Variants in TNC observed in about 807,000 individuals in gnomAD.
The protein encoded by TNC is tenascin.
TNC carries 109 observed loss-of-function variants against 202.4 expected under a neutral mutation model. The ratio of observed to expected loss-of-function variants is 0.54; its 90% CI spans 0.46 to 0.63. TNC has a LOEUF of 0.63. Ranked by LOEUF, TNC falls within the 30% of genes least tolerant of loss-of-function variation. The pLI, the probability that TNC is intolerant of heterozygous loss-of-function variation, is 0.00. For synonymous variants in TNC, 1,007 were observed against 1,089.7 expected (o/e 0.92, Z 1.50); for missense variants, 2,756 against 2,833.3 (o/e 0.97, Z 0.62).
Position 115,063,083 on chromosome 9 carries a change from C to A in TNC, c.3867G>T (p.Gln1289His). Residue 1289 changes from glutamine to histidine, a missense_variant, in exon 13 of 28, where the codon CAG becomes CAT. Around this residue, in one of 2 missense-constraint regions of TNC, gnomAD observed 2,559 missense variants for 2,546.0 expected, o/e 1.01. Coordinates refer to ENST00000350763, the MANE Select transcript of TNC (RefSeq NM_002160.4). Reference sequence around the variant, plus strand: ...CTTCCACCTGGTCAGCCTCCTGGACCTGAATAGTAAACTGGTCATAGGTTC... The same window carrying A: ...CTTCCACCTGGTCAGCCTCCTGGACATGAATAGTAAACTGGTCATAGGTTC... ...PDGTYDQFTI[Q>H]VQEADQVEEA... is the part of the protein sequence containing the mutation. 1 of 1,614,136 alleles carries A rather than the reference C, an allele frequency of 6.2e-7. No individual in the cohort carries two copies. The highest frequency in any genetic ancestry group is 8.5e-7 in the Non-Finnish European group (1 of 1,180,018).
At chr9:115,041,313 G>A (rs1216339897) in intron 18 of TNC, among the ~76,000 whole-genome samples, 1 of 134,664 alleles carries the variant, frequency 7.4e-6, no homozygotes, top group Admixed American at 7.1e-5. Context: ...GAGGGGCGGG[G>A]GAAAACATGA....
intron 26 of TNC, among the ~76,000 whole-genome samples, chr9:115,025,843 C>T (rs1035587336): frequency 1.3e-5 from 2 of 152,206 alleles, no homozygotes; most frequent in African/African-American, 4.8e-5. Context: ...CACAAAACCA[C>T]TTCAAGTCCA....
At chr9:115,111,779 G>A (rs991900892) in intron 1 of TNC, among the ~76,000 whole-genome samples, 5 of 152,072 alleles carry the variant, frequency 3.3e-5, no homozygotes, top group African/African-American at 1.2e-4. Context: ...GCAAGGAACT[G>A]AGGGTAGCCT....
At chr9:115,075,010 AT>A (rs925829948) in intron 9 of TNC, among the ~76,000 whole-genome samples, 1 of 152,076 alleles carries the variant, frequency 6.6e-6, no homozygotes, top group African/African-American at 2.4e-5. Flanking sequence ...AAATCAAAAG[AT>A]TAAAAAAAAA....
chr9:115,028,959 A>AG (rs1829730904), intron 25 of TNC, among the ~76,000 whole-genome samples: 1 of 86,530 alleles, frequency 1.2e-5, no homozygotes, highest in East Asian at 2.9e-4. Context: ...AAAAAAAAAA[A>AG]AAAGAAAGTC....
rs773512803 is a variant in TNC, at chr9:115,084,241, T to C, written c.2099A>G (p.Lys700Arg). 6.2e-7 allele frequency: 1 copy of C among 1,614,038 alleles called. No individual in the cohort carries two copies. The highest frequency in any genetic ancestry group is 1.7e-5 in the Admixed American group (1 of 60,012). Residue 700 changes from lysine to arginine, a missense_variant, in exon 4 of 28, where the codon AAG becomes AGG. Physicochemically the swap from Lys to Arg is conservative, Grantham distance 26 (BLOSUM62 2). This residue lies in a region of TNC where 2,559 missense variants were observed against 2,546.0 expected (regional missense o/e 1.01). Coordinates refer to ENST00000350763, the MANE Select transcript of TNC (RefSeq NM_002160.4). ...CACCCTGGCGCTGACAGGAATGCTC[T>C]TCTTGTTCTCCAGGATGGCAAATAC... ...IRVFAILENKKSIPVSARVAT... is the reference protein window; with the variant it reads ...IRVFAILENKRSIPVSARVAT...
chr9:115,040,906 A>AACACAC lies in TNC; in HGVS notation c.5392+29_5392+34dup, dbSNP rs35141770. 2.5e-3 allele frequency: 3,653 copies of AACACAC among 1,476,860 alleles called. 7 individuals are homozygous for AACACAC. Among genetic ancestry groups the AACACAC allele is most frequent in the African/African-American group, 0.016 (1,122 of 70,190 alleles). The allele number at this position is 1,476,860 out of a possible 1,614,324, so 91.5% of individuals were successfully genotyped here. On this transcript the variant is annotated intron_variant, in intron 19 of 27. Transcript: ENST00000350763. ...GCACAAGTGACCTCTGAAAAATAGT[A>AACACAC]ACACACACACACACACACAACCCCA...
chr9:115,035,470 T>G (rs1830255127), intron 21 of TNC, 136 bp from the exon 22 acceptor site: 3 of 888,350 alleles, frequency 3.4e-6, no homozygotes, highest in South Asian at 3.7e-5. Flanking sequence ...GAACTTCCTC[T>G]GTATAAATAA....
At chr9:115,056,602 G>T (rs1386187701) in intron 15 of TNC, among the ~76,000 whole-genome samples, 2 of 152,208 alleles carry the variant, frequency 1.3e-5, no homozygotes, top group Non-Finnish European at 2.9e-5. Context: ...TGGAACTGGG[G>T]TGGTCTGAAT....
intron 4 of TNC, 66 bp downstream of exon 4, chr9:115,084,143 G>C: frequency 6.5e-7 from 1 of 1,543,490 alleles, no homozygotes; most frequent in Non-Finnish European, 8.8e-7. Flanking sequence ...GCCGTGGCGA[G>C]GGAGGGTTAT....
intron 10 of TNC, among the ~76,000 whole-genome samples, chr9:115,069,714 T>TCCCTCCCTTCCTCCCTCCCTCCCTCCCTC (rs1833283684): frequency 7.8e-4 from 1 of 1,286 alleles, no homozygotes; most frequent in African/African-American, 3.1e-3. Flanking sequence ...CTCCCTTCCT[T>TCCCTCCCTTCCTCCCTCCCTCCCTCCCTC]CCTTCCTTCC....
intron 2 of TNC, among the ~76,000 whole-genome samples, chr9:115,089,366 T>A (rs1022989178): frequency 6.6e-6 from 1 of 152,136 alleles, no homozygotes; most frequent in Non-Finnish European, 1.5e-5. Flanking sequence ...TTATTGGAGA[T>A]AAAGACATAA....
intron 10 of TNC, among the ~76,000 whole-genome samples, chr9:115,073,072 G>T (rs1833577935): frequency 6.6e-6 from 1 of 152,106 alleles, no homozygotes; most frequent in Non-Finnish European, 1.5e-5. Flanking sequence ...GAGAAAATGA[G>T]AGGGCACCAT....
At chr9:115,108,581 T>G (rs537226176) in intron 1 of TNC, among the ~76,000 whole-genome samples, 1 of 152,354 alleles carries the variant, frequency 6.6e-6, no homozygotes, top group African/African-American at 2.4e-5. Context: ...TCTTTCTTCT[T>G]AGCAAATATC....
intron 1 of TNC, among the ~76,000 whole-genome samples, chr9:115,105,777 A>C (rs898759645): frequency 4.6e-5 from 7 of 152,208 alleles, no homozygotes; most frequent in African/African-American, 1.4e-4. Context: ...TTTCCTAATT[A>C]AACACGTTTG....
At chr9:115,102,765 G>A (rs1380898959) in intron 1 of TNC, among the ~76,000 whole-genome samples, 1 of 152,214 alleles carries the variant, frequency 6.6e-6, no homozygotes, top group Non-Finnish European at 1.5e-5. Flanking sequence ...TAGACTATAA[G>A]CTCTATGAGG....
At chr9:115,079,074 T>C (rs770646154) in intron 6 of TNC, among the ~76,000 whole-genome samples, 2 of 152,188 alleles carry the variant, frequency 1.3e-5, no homozygotes, top group Non-Finnish European at 2.9e-5. Flanking sequence ...ATCATACGTG[T>C]CTCATTGTTT....
At chr9:115,037,885 A>G (rs1331096529) in intron 20 of TNC, among the ~76,000 whole-genome samples, 1 of 152,158 alleles carries the variant, frequency 6.6e-6, no homozygotes, top group Non-Finnish European at 1.5e-5. Context: ...TGGTCTCTGA[A>G]AAGTTGAGAC....
chr9:115,064,534 T>A, intron 11 of TNC, 113 bp downstream of exon 11: 8 of 1,336,670 alleles, frequency 6.0e-6, no homozygotes, highest in Non-Finnish European at 6.2e-6. Context: ...TTAGACCCCA[T>A]AGACATAAGT....
Sources: allele counts gnomAD v4.1 joint callset (sites outside exome capture counted in the v4.1 genomes callset), GRCh38; gene constraint gnomAD v4.1.1; regional missense constraint gnomAD v4.1.1; transcripts MANE v1.5; gene names NCBI Gene and HGNC (gene_info 2026-07-23, HGNC 2026-07-21).